MACF1: variants seen among roughly 807,000 people sequenced by gnomAD.
The protein encoded by MACF1 is microtubule-actin cross-linking factor 1.
In MACF1, 193 loss-of-function variants were observed where a neutral mutation model predicts 854.8. That is an observed-to-expected ratio of 0.23 (90% CI 0.20 to 0.25). The LOEUF is 0.25. Ranked by LOEUF, MACF1 falls within the 10% of genes least tolerant of loss-of-function variation. MACF1 has a pLI of 1.00. For missense variants in MACF1, 7,722 were observed against 8,929.1 expected (o/e 0.86, Z 5.45); for synonymous variants, 3,185 against 3,226.7 (o/e 0.99, Z 0.44).
intron 58 of MACF1, among the ~76,000 whole-genome samples, chr1:39,404,911 C>T (rs972165773): frequency 6.6e-6 from 1 of 152,202 alleles, no homozygotes; most frequent in Non-Finnish European, 1.5e-5. Flanking sequence ...TCTGATACCT[C>T]CTGCCTTCCT....
chr1:39,391,003 C>T (rs373491345), intron 58 of MACF1, among the ~76,000 whole-genome samples: 1 of 151,442 alleles, frequency 6.6e-6, no homozygotes, highest in Non-Finnish European at 1.5e-5. Context: ...CCCAGCTACT[C>T]GGGAGGCTGA....
chr1:39,194,278 TG>T (rs1188767174), intron 2 of MACF1, among the ~76,000 whole-genome samples: 28 of 151,714 alleles, frequency 1.8e-4, no homozygotes, highest in African/African-American at 6.8e-4. Context: ...AGTTAGATCC[TG>T]GGCAGAATCC....
chr1:39,108,741 G>C (rs1642315936), intron 2 of MACF1, among the ~76,000 whole-genome samples: 1 of 152,230 alleles, frequency 6.6e-6, no homozygotes, highest in South Asian at 2.1e-4. Context: ...TTAAAGAGGT[G>C]GTTAAAAACC....
In MACF1 at chr1:39,486,913, A is replaced by C. The variant is rs1645107449; in HGVS notation, c.*1119A>C. The C allele has an allele frequency of 6.6e-6, 1 of 152,640 alleles. No individual in the cohort carries two copies. The highest frequency in any genetic ancestry group is 2.4e-5 in the African/African-American group (1 of 41,458). 9.5% of individuals were successfully genotyped at this position (152,640 alleles called of 1,614,324 possible). ...TCTCAATTGGTTTTAATTGAGGCAG[A>C]AACTGAAGCTCTACCAATGAACTGT... is the stretch of plus-strand genomic sequence containing the variant. On this transcript the variant is annotated 3_prime_UTR_variant, in exon 101 of 101. Coordinates refer to ENST00000564288, the MANE Select transcript of MACF1 (RefSeq NM_001394062.1).
At position 39,333,655 on chromosome 1, in the gene MACF1, A is replaced by T. The variant is rs967250106; in HGVS notation, c.7067A>T (p.Asp2356Val). Residue 2356 changes from aspartate (D) to valine (V), a missense_variant, in exon 37 of 101, where the codon GAT (aspartate) becomes GTT (valine). Transcript: ENST00000564288. ...TEEVINEGLM[D>V]EKLLHNVLMA... ...GAAGTCATTAATGAAGGTCTGATGGATGAGAAATTATTACATAATGTCCTC... is the reference window on the plus strand; with the variant it reads ...GAAGTCATTAATGAAGGTCTGATGGTTGAGAAATTATTACATAATGTCCTC... 1 of 1,614,208 alleles carries T rather than the reference A, an allele frequency of 6.2e-7. No individual in the cohort carries two copies. Among genetic ancestry groups the T allele is most frequent in the South Asian group, 1.1e-5 (1 of 91,088 alleles).
chr1:39,155,226 C>G (rs1442709648), intron 2 of MACF1, among the ~76,000 whole-genome samples: 1 of 152,178 alleles, frequency 6.6e-6, no homozygotes, highest in African/African-American at 2.4e-5. Flanking sequence ...TTCCAAACAT[C>G]CTTGTTTTTG....
At chr1:39,211,893 T>C (rs959487738) in intron 1 of MACF1, among the ~76,000 whole-genome samples, 2 of 151,212 alleles carry the variant, frequency 1.3e-5, no homozygotes, top group Admixed American at 1.3e-4. Flanking sequence ...AAAAAAGAAA[T>C]GTGACAGAAC....
intron 1 of MACF1, among the ~76,000 whole-genome samples, chr1:39,225,952 T>C (rs1407215581): frequency 6.6e-6 from 1 of 152,182 alleles, no homozygotes. Context: ...ATTTCCTTGC[T>C]AAAAATTAAG....
intron 53 of MACF1, 45 bp from the exon 54 acceptor site, chr1:39,379,158 C>CAT (rs1649976204): frequency 6.6e-7 from 1 of 1,526,140 alleles, no homozygotes; most frequent in Non-Finnish European, 8.8e-7. Flanking sequence ...AAGGAGCATA[C>CAT]TCGAAGAGCT....
At chr1:39,414,016 C>G in intron 58 of MACF1, 1 of 1,608,498 alleles carries the variant, frequency 6.2e-7, no homozygotes, top group Non-Finnish European at 8.5e-7. Context: ...AGTGCCCACC[C>G]TAGAGGAACC....
At position 39,233,808 on chromosome 1, in the gene MACF1, T is replaced by TTTTTTTTTTTTTTTTTTTTTTTTTTA. The variant is rs755591226; in HGVS notation, c.171+2565_171+2566insTTTTTTTTTTTTTTTTTTTTTTTTTA. Among the ~76,000 whole-genome samples the TTTTTTTTTTTTTTTTTTTTTTTTTTA allele has an allele frequency of 4.6e-5, 3 of 65,772 alleles. 1 individual carries two copies. The highest frequency in any genetic ancestry group is 9.9e-5 in the Non-Finnish European group (3 of 30,152). The allele number at this position is 65,772 out of a possible 152,430, so 43.1% of individuals were successfully genotyped here. A position where few individuals can be genotyped will look rare whatever the true frequency, so the allele number is the denominator to read the frequency against. On this transcript the variant is annotated intron_variant, in intron 2 of 100. Transcript: ENST00000564288. ...TTTTTTTTTTTTTTTATTTATTTTT[T>TTTTTTTTTTTTTTTTTTTTTTTTTTA]ATTGATAATTCTTGGGTGTTTCTCA...
chr1:39,358,603 T>G (rs769423066), intron 45 of MACF1, 94 bp from the exon 46 acceptor site: 84 of 1,132,976 alleles, frequency 7.4e-5, no homozygotes, highest in Non-Finnish European at 1.0e-4. Flanking sequence ...TTACAGTGAG[T>G]TGTCTGTAAC....
Position 39,448,089 on chromosome 1 carries a change from G to A in MACF1, c.20025G>A (p.Leu6675=). The change falls in exon 83 of 101, where the codon CTG becomes CTA. Residue 6675 remains leucine (L), a synonymous_variant. Coordinates refer to ENST00000564288, the MANE Select transcript of MACF1 (RefSeq NM_001394062.1). ...IDWLEDAESH[L]DSELEISNDP... ...GGCTAGAAGATGCAGAGAGTCACCT[G>A]GACTCAGAACTAGAGATATCCAATG... 6.2e-7 allele frequency: 1 copy of A among 1,613,978 alleles called. No homozygotes were observed. Among genetic ancestry groups the A allele is most frequent in the East Asian group, 2.2e-5 (1 of 44,888 alleles).
chr1:39,392,052 C>G (rs924057265), intron 58 of MACF1, among the ~76,000 whole-genome samples: 35 of 152,158 alleles, frequency 2.3e-4, no homozygotes, highest in African/African-American at 8.4e-4. Context: ...ATAAAATGAT[C>G]AGTATCCACC....
chr1:39,101,356 C>CA (rs35075474), intron 2 of MACF1, among the ~76,000 whole-genome samples: 85,611 of 128,552 alleles, frequency 0.67, 27,980 homozygotes, highest in East Asian at 0.97. Flanking sequence ...GACTCTGTCT[C>CA]AAAAAAAAAA....
chr1:39,161,680 T>C (rs1322500909), intron 2 of MACF1, among the ~76,000 whole-genome samples: 3 of 151,452 alleles, frequency 2.0e-5, no homozygotes, highest in African/African-American at 7.3e-5. Flanking sequence ...GGCTGGCCAA[T>C]ATGATGAAAC....
At chr1:39,121,900 C>T (rs1463421931) in intron 2 of MACF1, among the ~76,000 whole-genome samples, 1 of 152,096 alleles carries the variant, frequency 6.6e-6, no homozygotes, top group Non-Finnish European at 1.5e-5. Flanking sequence ...GAACCCAGGC[C>T]CGATTAACTC....
At chr1:39,091,285 G>A (rs762871625) in intron 2 of MACF1, among the ~76,000 whole-genome samples, 5 of 152,094 alleles carry the variant, frequency 3.3e-5, no homozygotes, top group Non-Finnish European at 7.4e-5. Context: ...ATTCATTCAC[G>A]CAAAGGGCTG....
At chr1:39,450,305 T>G (rs1644314957) in intron 84 of MACF1, among the ~76,000 whole-genome samples, 1 of 23,814 alleles carries the variant, frequency 4.2e-5, no homozygotes, top group Non-Finnish European at 8.6e-5. Context: ...TGTACTCCAA[T>G]TTTTTTTTTT....
Sources: gnomAD v4.1 joint callset for allele counts (sites outside exome capture counted in the v4.1 genomes callset) on GRCh38, gnomAD v4.1.1 for gene constraint, MANE v1.5 for transcripts, NCBI Gene and HGNC (gene_info 2026-07-23, HGNC 2026-07-21) for gene names.